CSMD1: variants seen among roughly 807,000 people sequenced by gnomAD.
CSMD1 encodes CUB and Sushi multiple domains 1, also known as CUB and sushi domain-containing protein 1.
In CSMD1, 213 loss-of-function variants were observed where a neutral mutation model predicts 417.5. The ratio of observed to expected loss-of-function variants is 0.51; its 90% CI spans 0.46 to 0.57. The LOEUF (loss-of-function observed/expected upper bound fraction) is 0.57, where lower values mean the gene tolerates loss of function less well. CSMD1 is among the 20% of genes least tolerant of loss of function. CSMD1 has a pLI of 0.00. For synonymous variants in CSMD1, 2,862 were observed against 1,736.8 expected, an observed-to-expected ratio of 1.65 and a Z score of -16.11; for missense variants, 6,923 against 4,529.7, an observed-to-expected ratio of 1.53 and a Z score of -15.17.
At chr8:4,952,957 A>G (rs542809534) in intron 1 of CSMD1, among the ~76,000 whole-genome samples, 77 of 152,312 alleles carry the variant, frequency 5.1e-4, no homozygotes, top group African/African-American at 1.7e-3. Context: ...TAATTGATAC[A>G]AAAGTAGAAG....
intron 1 of CSMD1, among the ~76,000 whole-genome samples, chr8:4,855,473 G>C (rs1007186262): frequency 6.6e-6 from 1 of 152,036 alleles, no homozygotes; most frequent in Non-Finnish European, 1.5e-5. Flanking sequence ...TCTCAGCTAC[G>C]GGAGGACATT....
intron 37 of CSMD1, among the ~76,000 whole-genome samples, chr8:3,174,265 G>A (rs1354039142): frequency 6.6e-6 from 1 of 152,190 alleles, no homozygotes; most frequent in Non-Finnish European, 1.5e-5. Context: ...AGGCTGAGGT[G>A]CAAAGATGGC....
intron 5 of CSMD1, among the ~76,000 whole-genome samples, chr8:3,986,654 C>A (rs542467827): frequency 4.6e-5 from 7 of 152,220 alleles, no homozygotes; most frequent in African/African-American, 1.7e-4. Flanking sequence ...TTTCCTTATA[C>A]CATGAGATAT....
chr8:3,830,173 A>T (rs1489442015), intron 5 of CSMD1, among the ~76,000 whole-genome samples: 1 of 152,184 alleles, frequency 6.6e-6, no homozygotes, highest in Non-Finnish European at 1.5e-5. Flanking sequence ...CTCTTCCATG[A>T]AGCTGATTTA....
chr8:3,989,072 C>G (rs1241626863), intron 5 of CSMD1, among the ~76,000 whole-genome samples: 2 of 152,208 alleles, frequency 1.3e-5, no homozygotes, highest in South Asian at 2.1e-4. Context: ...AATCTGAACT[C>G]TCTATGGCAC....
intron 18 of CSMD1, among the ~76,000 whole-genome samples, chr8:3,383,940 G>A (rs976611927): frequency 6.6e-6 from 1 of 152,156 alleles, no homozygotes; most frequent in Non-Finnish European, 1.5e-5. Flanking sequence ...GGACCCCACA[G>A]ACTTAAGGTT....
At chr8:3,853,118 G>A (rs539653245) in intron 5 of CSMD1, among the ~76,000 whole-genome samples, 97 of 152,268 alleles carry the variant, frequency 6.4e-4, no homozygotes, top group Non-Finnish European at 1.2e-3. Context: ...TCCAAAAGCA[G>A]CAGTGGCAGC....
At chr8:4,270,535 G>A (rs1359930596) in intron 3 of CSMD1, among the ~76,000 whole-genome samples, 1 of 152,064 alleles carries the variant, frequency 6.6e-6, no homozygotes, top group Non-Finnish European at 1.5e-5. Flanking sequence ...ATATCCAGCT[G>A]TGACTAGTAC....
chr8:3,077,165 C>T (rs1813743632), intron 49 of CSMD1, among the ~76,000 whole-genome samples: 1 of 152,146 alleles, frequency 6.6e-6, no homozygotes. Flanking sequence ...CAGAATCGTG[C>T]AGGGCTGGGA....
chr8:4,041,177 C>A lies in CSMD1; in HGVS notation c.416-9078G>T, dbSNP rs533211315. Reference sequence around the variant, plus strand: ...GACTACAGGCGCCCGCCACCACGCCCGGCTAATTTTTTTGTATTTTTGGTA... The same window carrying A: ...GACTACAGGCGCCCGCCACCACGCCAGGCTAATTTTTTTGTATTTTTGGTA... On this transcript the variant is annotated intron_variant, in intron 3 of 69. Transcript: ENST00000635120. 2.0e-3 allele frequency among the ~76,000 whole-genome samples: 303 copies of A among 151,862 alleles called. 1 individual carries two copies. The highest frequency in any genetic ancestry group is 7.0e-3 in the African/African-American group (292 of 41,448).
intron 2 of CSMD1, among the ~76,000 whole-genome samples, chr8:4,532,733 CAGAAA>C (rs1796894457): frequency 7.0e-6 from 1 of 142,600 alleles, no homozygotes. Context: ...TCAGTCACTC[CAGAAA>C]AGAAATCCTG....
At chr8:4,694,942 A>G (rs1466584396) in intron 1 of CSMD1, among the ~76,000 whole-genome samples, 1 of 152,204 alleles carries the variant, frequency 6.6e-6, no homozygotes, top group East Asian at 1.9e-4. Flanking sequence ...CACTATGAAC[A>G]TACAGGTTCT....
At chr8:4,225,914 A>C (rs1801319602) in intron 3 of CSMD1, among the ~76,000 whole-genome samples, 2 of 152,184 alleles carry the variant, frequency 1.3e-5, no homozygotes, top group South Asian at 4.1e-4. Flanking sequence ...ATAATTGTCT[A>C]ATAATTTCTT....
intron 5 of CSMD1, among the ~76,000 whole-genome samples, chr8:3,880,504 A>C (rs997459867): frequency 6.6e-6 from 1 of 152,168 alleles, no homozygotes; most frequent in African/African-American, 2.4e-5. Context: ...TTATAAATAA[A>C]ATTTGATTTT....
At chr8:3,122,895 G>C (rs1817289407) in intron 41 of CSMD1, among the ~76,000 whole-genome samples, 1 of 152,080 alleles carries the variant, frequency 6.6e-6, no homozygotes, top group Non-Finnish European at 1.5e-5. Context: ...GTGTTTCTCA[G>C]TTGTTTTTGT....
At chr8:4,493,950 G>A (rs150045123) in intron 2 of CSMD1, among the ~76,000 whole-genome samples, 36 of 152,182 alleles carry the variant, frequency 2.4e-4, no homozygotes, top group African/African-American at 8.2e-4. Flanking sequence ...TGGTTAAAAA[G>A]GTCAACTTGG....
At chr8:4,673,254 C>T (rs1805442715) in intron 1 of CSMD1, among the ~76,000 whole-genome samples, 1 of 152,160 alleles carries the variant, frequency 6.6e-6, no homozygotes, top group Non-Finnish European at 1.5e-5. Context: ...TTGTAAGAGT[C>T]CCTTATGAAT....
chr8:4,410,553 T>G (rs904250259), intron 3 of CSMD1, among the ~76,000 whole-genome samples: 1 of 152,236 alleles, frequency 6.6e-6, no homozygotes, highest in African/African-American at 2.4e-5. Flanking sequence ...CTCTCATTTT[T>G]GCTTATTGAA....
chr8:3,631,622 A>C (rs1392176547), intron 7 of CSMD1, among the ~76,000 whole-genome samples: 1 of 152,226 alleles, frequency 6.6e-6, no homozygotes, highest in Non-Finnish European at 1.5e-5. Flanking sequence ...CGGTTTTGCA[A>C]CACTGAAGAT....
Sources: allele counts gnomAD v4.1 joint callset (sites outside exome capture counted in the v4.1 genomes callset), GRCh38; gene constraint gnomAD v4.1.1; transcripts MANE v1.5; gene names NCBI Gene and HGNC (gene_info 2026-07-23, HGNC 2026-07-21).